The following SPACA7 variants were observed in gnomAD, a reference collection of about 807,000 sequenced individuals.
SPACA7 encodes sperm acrosome associated 7.
SPACA7 carries 19 observed loss-of-function variants against 26.3 expected under a neutral mutation model. The observed-to-expected ratio is 0.72, with a 90% CI of 0.50 to 1.06. SPACA7 has a LOEUF of 1.06. Among genes scored for constraint, SPACA7 ranks in the 50% least tolerant of loss-of-function variants. The pLI is 0.00. For missense variants in SPACA7, 211 were observed against 229.9 expected, an observed-to-expected ratio of 0.92 and a Z score of 0.53; for synonymous variants, 84 against 84.5, an observed-to-expected ratio of 0.99 and a Z score of 0.04.
chr13:112,397,227 G>A (rs548243164), intron 2 of SPACA7, among the ~76,000 whole-genome samples: 5 of 152,288 alleles, frequency 3.3e-5, no homozygotes, highest in East Asian at 3.9e-4. Flanking sequence ...GTGACCAGAC[G>A]CCCGCTTTGC....
At chr13:112,399,256 T>A (rs1411940646) in intron 4 of SPACA7, 83 bp downstream of exon 4, 7 of 782,310 alleles carry the variant, frequency 8.9e-6, no homozygotes, top group Non-Finnish European at 6.9e-6. Context: ...GGCGGAAACA[T>A]CTCCTTCCTG....
chr13:112,396,022 G>A (rs1008649782), intron 2 of SPACA7, among the ~76,000 whole-genome samples: 4 of 143,250 alleles, frequency 2.8e-5, no homozygotes, highest in Non-Finnish European at 6.4e-5. Flanking sequence ...TCGGCCCCCC[G>A]CCTCTCTTTG....
At chr13:112,410,600 C>T (rs1369607488) in intron 5 of SPACA7, among the ~76,000 whole-genome samples, 2 of 151,916 alleles carry the variant, frequency 1.3e-5, no homozygotes, top group African/African-American at 4.8e-5. Context: ...CTGTGTGATT[C>T]CACTTATATG....
chr13:112,430,201 T>C (rs964739804), intron 5 of SPACA7, among the ~76,000 whole-genome samples: 12 of 152,078 alleles, frequency 7.9e-5, no homozygotes, highest in African/African-American at 2.9e-4. Flanking sequence ...TGTGTGTGTG[T>C]GTGTGTGTCT....
Position 112,386,502 on chromosome 13 carries a change from G to GTGTT in SPACA7, c.95-6512_95-6509dup, listed in dbSNP as rs781273849. Among the ~76,000 whole-genome samples, 40 of 151,968 alleles carry GTGTT rather than the reference G, an allele frequency of 2.6e-4. No individual in the cohort carries two copies. In the South Asian group the frequency reaches 8.3e-3, roughly 32 times the overall value. ...AGAGTCTTTTTTTGTTTGTTTTTTG[G>GTGTT]TGTTTGTTTGCAAAACAGAGTCTGT... On this transcript the variant is annotated intron_variant, in intron 1 of 6. Transcript: ENST00000283550.
chr13:112,391,436 T>A (rs2138909418), intron 1 of SPACA7, among the ~76,000 whole-genome samples: 1 of 152,316 alleles, frequency 6.6e-6, no homozygotes, highest in South Asian at 2.1e-4. Context: ...TCCTAGTGAT[T>A]GAGAAGGGTG....
At chr13:112,420,009 T>A (rs1408421440) in intron 5 of SPACA7, among the ~76,000 whole-genome samples, 1 of 152,220 alleles carries the variant, frequency 6.6e-6, no homozygotes, top group Admixed American at 6.5e-5. Flanking sequence ...GGACTTTGAT[T>A]CTTCGGTGCA....
At chr13:112,416,641 C>A (rs1301206371) in intron 5 of SPACA7, among the ~76,000 whole-genome samples, 1 of 152,162 alleles carries the variant, frequency 6.6e-6, no homozygotes, top group Admixed American at 6.6e-5. Context: ...TGCCTAATTT[C>A]AATTAGGCAT....
intron 5 of SPACA7, among the ~76,000 whole-genome samples, chr13:112,428,362 T>C (rs1457091364): frequency 6.6e-6 from 1 of 152,180 alleles, no homozygotes; most frequent in Non-Finnish European, 1.5e-5. Flanking sequence ...GATGGATTAC[T>C]TGAGGTCAGG....
chr13:112,430,243 C>G (rs1876964915), intron 5 of SPACA7, among the ~76,000 whole-genome samples: 2 of 147,000 alleles, frequency 1.4e-5, no homozygotes, highest in Admixed American at 1.4e-4. Flanking sequence ...GCTACTGTGA[C>G]TTCTCCAAAC....
chr13:112,382,352 C>A (rs1187064906), intron 1 of SPACA7: 26 of 1,437,328 alleles, frequency 1.8e-5, no homozygotes, highest in Non-Finnish European at 2.4e-5. Context: ...CCCGCCTCAG[C>A]CTCCCAAAGT....
chr13:112,401,077 G>A lies in SPACA7; in HGVS notation c.358G>A (p.Ala120Thr). 6.2e-7 allele frequency: 1 copy of A among 1,613,880 alleles called. No individual in the cohort carries two copies. The highest frequency in any genetic ancestry group is 1.1e-5 in the South Asian group (1 of 91,068). Reference protein sequence around the residue: ...EVKISNDEANANANLHGDPSE... With the variant: ...EVKISNDEANTNANLHGDPSE... ...CATATTTGTCATTAAAGAAGCCAAT[G>A]CTAATGCAAATCTCCATGGCGATCC... The change falls in exon 5 of 7, where the codon GCT becomes ACT. Residue 120 changes from alanine to threonine, a missense_variant. By Grantham distance (58) the Ala-to-Thr change is moderately conservative (BLOSUM62 0). Coordinates refer to ENST00000283550, the MANE Select transcript of SPACA7 (RefSeq NM_145248.5).
At chr13:112,387,585 G>T (rs964247905) in intron 1 of SPACA7, among the ~76,000 whole-genome samples, 1 of 152,218 alleles carries the variant, frequency 6.6e-6, no homozygotes, top group African/African-American at 2.4e-5. Flanking sequence ...GAAAGAGAGA[G>T]ACCAGAAATT....
intron 5 of SPACA7, among the ~76,000 whole-genome samples, chr13:112,413,718 G>C (rs1476771887): frequency 6.6e-6 from 1 of 152,146 alleles, no homozygotes; most frequent in African/African-American, 2.4e-5. Context: ...TGACTCCATA[G>C]ATTTGCCCTT....
At chr13:112,396,932 A>G (rs1312324575) in intron 2 of SPACA7, among the ~76,000 whole-genome samples, 3 of 152,164 alleles carry the variant, frequency 2.0e-5, no homozygotes, top group Admixed American at 6.5e-5. Context: ...AGGCCTGGAC[A>G]CTGGTTCCCC....
At chr13:112,382,335 T>C in intron 1 of SPACA7, 4 of 1,315,828 alleles carry the variant, frequency 3.0e-6, no homozygotes, top group East Asian at 2.6e-5. Context: ...CTTGACCTCA[T>C]GGTCCGCCCG....
intron 5 of SPACA7, among the ~76,000 whole-genome samples, chr13:112,413,585 T>C (rs1886492686): frequency 6.6e-6 from 1 of 152,218 alleles, no homozygotes; most frequent in South Asian, 2.1e-4. Context: ...TGAATATTCC[T>C]GGTGATCTTT....
intron 5 of SPACA7, among the ~76,000 whole-genome samples, chr13:112,430,951 A>C (rs1220275652): frequency 2.6e-5 from 4 of 152,228 alleles, no homozygotes; most frequent in African/African-American, 9.6e-5. Context: ...ACTCTGTGTG[A>C]AATCATTTTG....
chr13:112,398,098 C>T lies in SPACA7; in HGVS notation c.201C>T (p.Ser67=), dbSNP rs769205566. The T allele has an allele frequency of 9.3e-6, 15 of 1,613,748 alleles. No individual in the cohort carries two copies. The highest frequency in any genetic ancestry group is 2.2e-5 in the East Asian group (1 of 44,888). Residue 67 remains serine, a synonymous_variant, in exon 3 of 7, where the codon AGC becomes AGT. Coordinates refer to ENST00000283550, the MANE Select transcript of SPACA7 (RefSeq NM_145248.5). ...EILDLNKTTP[S]EMPSTASTLS... ...TAGATCTGAATAAAACAACACCGAG[C>T]GAAATGCCAAGTACAGCATCAACAT...
Sources: allele counts gnomAD v4.1 joint callset (sites outside exome capture counted in the v4.1 genomes callset), GRCh38; gene constraint gnomAD v4.1.1; transcripts MANE v1.5; gene names NCBI Gene and HGNC (gene_info 2026-07-23, HGNC 2026-07-21).